The following PRKAG2 variants were observed in gnomAD, a reference collection of about 807,000 sequenced individuals.
PRKAG2 encodes the protein 5'-AMP-activated protein kinase subunit gamma-2.
PRKAG2 carries 26 observed loss-of-function variants against 69.6 expected under a neutral mutation model. The observed-to-expected ratio is 0.37, with a 90% CI of 0.27 to 0.52. The LOEUF is 0.52. Ranked by LOEUF, PRKAG2 falls within the 20% of genes least tolerant of loss-of-function variation. The pLI, the probability that PRKAG2 is intolerant of heterozygous loss-of-function variation, is 0.90. For synonymous variants in PRKAG2, 293 were observed against 285.0 expected (o/e 1.03, Z -0.28); for missense variants, 557 against 740.0 (o/e 0.75, Z 2.87).
At chr7:151,594,591 CT>C (rs1036315442) in intron 6 of PRKAG2, among the ~76,000 whole-genome samples, 4 of 152,104 alleles carry the variant, frequency 2.6e-5, no homozygotes, top group Admixed American at 2.0e-4. Flanking sequence ...TGATTTTCTT[CT>C]TTTTTACCAA....
chr7:151,754,479 C>CG (rs1475231340), intron 3 of PRKAG2, among the ~76,000 whole-genome samples: 3 of 151,204 alleles, frequency 2.0e-5, no homozygotes, highest in Middle Eastern at 3.2e-3. Context: ...GGCCAGTGAG[C>CG]GGGGGGCCCA....
chr7:151,832,248 GA>G lies in PRKAG2; in HGVS notation c.114+44258del, dbSNP rs1460607109. Among the ~76,000 whole-genome samples the G allele has an allele frequency of 1.8e-3, 44 of 23,906 alleles. 1 individual carries two copies. The highest frequency in any genetic ancestry group is 7.8e-3 in the South Asian group (3 of 386). 15.7% of individuals were successfully genotyped at this position (23,906 alleles called of 152,430 possible). On this transcript the variant is annotated intron_variant, in intron 1 of 15. Transcript: ENST00000287878. ...GGAGGGAAGGAGAGGAGGAGGGAAGGAAGGGAGGAGGGAAGGAAGGGAGGAG... is the reference window on the plus strand; with the variant it reads ...GGAGGGAAGGAGAGGAGGAGGGAAGGAGGGAGGAGGGAAGGAAGGGAGGAG...
intron 3 of PRKAG2, among the ~76,000 whole-genome samples, chr7:151,763,958 G>T (rs1016148923): frequency 2.6e-5 from 4 of 152,228 alleles, no homozygotes; most frequent in African/African-American, 4.8e-5. Flanking sequence ...TCCTCCTTGT[G>T]CGTCTCTACA....
At chr7:151,585,969 T>A (rs1442544103) in intron 6 of PRKAG2, among the ~76,000 whole-genome samples, 1 of 152,194 alleles carries the variant, frequency 6.6e-6, no homozygotes, top group Non-Finnish European at 1.5e-5. Flanking sequence ...TAGGACTGCA[T>A]GTAGCTGCTA....
intron 3 of PRKAG2, among the ~76,000 whole-genome samples, chr7:151,741,674 CAAAAA>C (rs33969514): frequency 7.9e-6 from 1 of 126,588 alleles, no homozygotes; most frequent in Non-Finnish European, 1.8e-5. Flanking sequence ...AACTCTGTCT[CAAAAA>C]AAAAAAAAAA....
chr7:151,632,102 C>G lies in PRKAG2; in HGVS notation c.721G>C (p.Gly241Arg), dbSNP rs765544988. The G allele has an allele frequency of 4.2e-6, 6 of 1,415,592 alleles. No homozygotes were observed. The highest frequency in any genetic ancestry group is 5.6e-6 in the Non-Finnish European group (6 of 1,070,916). The allele number at this position is 1,415,592 out of a possible 1,614,324, so 87.7% of individuals were successfully genotyped here. A position where few individuals can be genotyped will look rare whatever the true frequency, so the allele number is the denominator to read the frequency against. Residue 241 changes from glycine to arginine, a missense_variant, in exon 5 of 16, where the codon GGC becomes CGC. By Grantham distance (125) the Gly-to-Arg change is moderately radical (BLOSUM62 -2). Transcript: ENST00000287878. The surrounding 1 kb of genome is among the most constrained non-coding windows in gnomAD (Gnocchi z 4.2). The part of the protein sequence containing the change: ...LAAALGPAEA[G>R]MLEKLEFEDE... ...TCGAACTCCAGCTTCTCCAGCATGC[C>G]GGCTTCCGCGGGTCCCAGGGCCGCC... is the stretch of plus-strand genomic sequence containing the variant.
Position 151,777,534 on chromosome 7 carries a change from G to T in PRKAG2, c.466+3618C>A, listed in dbSNP as rs1373878052. 6.6e-6 allele frequency among the ~76,000 whole-genome samples: 1 copy of T among 152,114 alleles called. No individual in the cohort carries two copies. Among genetic ancestry groups the T allele is most frequent in the Non-Finnish European group, 1.5e-5 (1 of 68,014 alleles). ...CTCCAGTACCTCCCCCCTCTCTCTT[G>T]CTCCCTTGCGTGTGAGCTCTGCATA... is the stretch of plus-strand genomic sequence containing the variant. On this transcript the variant is annotated intron_variant, in intron 3 of 15. Coordinates refer to ENST00000287878, the MANE Select transcript of PRKAG2 (RefSeq NM_016203.4). The surrounding 1 kb of genome is among the most constrained non-coding windows in gnomAD (Gnocchi z 4.3).
chr7:151,660,067 G>A (rs2536055), intron 4 of PRKAG2, among the ~76,000 whole-genome samples: 92,853 of 152,022 alleles, frequency 0.61, 28,588 homozygotes, highest in African/African-American at 0.67. Context: ...TCCAAAAAAA[G>A]TTATTTCCAC....
In PRKAG2 at chr7:151,852,408, T is replaced by G. The variant is rs900523916; in HGVS notation, c.114+24099A>C. Among the ~76,000 whole-genome samples, 5 of 152,124 alleles carry G rather than the reference T, an allele frequency of 3.3e-5. No homozygotes were observed. In the East Asian group the frequency reaches 9.7e-4, roughly 30 times the overall value. On this transcript the variant is annotated intron_variant, in intron 1 of 15. Transcript: ENST00000287878. ...TACTCGGGAGGCTGAGGCAGGAGAA[T>G]TGCTTGAACCCAGGGGGTGGAGGTT...
chr7:151,739,145 C>T (rs951437003), intron 3 of PRKAG2, among the ~76,000 whole-genome samples: 39 of 152,198 alleles, frequency 2.6e-4, no homozygotes, highest in Non-Finnish European at 1.6e-4. Flanking sequence ...GGCATGGCTC[C>T]GGTGTAGCTG....
At chr7:151,697,126 G>T (rs973493871) in intron 3 of PRKAG2, among the ~76,000 whole-genome samples, 1 of 152,208 alleles carries the variant, frequency 6.6e-6, no homozygotes, top group Non-Finnish European at 1.5e-5. Context: ...CCCGGGGAGA[G>T]AGCTGGAGCC....
chr7:151,742,625 CAAAAAA>C (rs562390958), intron 3 of PRKAG2, among the ~76,000 whole-genome samples: 1 of 135,588 alleles, frequency 7.4e-6, no homozygotes, highest in African/African-American at 2.7e-5. Flanking sequence ...TTACATCTCA[CAAAAAA>C]AAAAAAAATA....
At chr7:151,806,944 GAA>G in intron 1 of PRKAG2, 5 of 399,234 alleles carry the variant, frequency 1.3e-5, no homozygotes, top group South Asian at 5.6e-5. Flanking sequence ...CCAGCCTGGG[GAA>G]AAAAAAAAGC....
At chr7:151,687,934 C>T (rs71539897) in intron 3 of PRKAG2, among the ~76,000 whole-genome samples, 1 of 151,878 alleles carries the variant, frequency 6.6e-6, no homozygotes, top group Non-Finnish European at 1.5e-5. Context: ...GGGGCTCCCT[C>T]GGCCAGCTGC....
At chr7:151,596,515 G>C (rs1814565226) in intron 5 of PRKAG2, among the ~76,000 whole-genome samples, 2 of 152,168 alleles carry the variant, frequency 1.3e-5, no homozygotes, top group Non-Finnish European at 2.9e-5. Context: ...TTGGGAGGCT[G>C]AGGCAGGCAG....
chr7:151,713,667 C>T (rs1464282899), intron 3 of PRKAG2, among the ~76,000 whole-genome samples: 6 of 151,556 alleles, frequency 4.0e-5, no homozygotes, highest in African/African-American at 9.7e-5. Context: ...TCACTACAAC[C>T]TCAGGAGGCT....
chr7:151,860,968 G>A (rs761310690), intron 1 of PRKAG2, among the ~76,000 whole-genome samples: 17 of 152,034 alleles, frequency 1.1e-4, no homozygotes, highest in African/African-American at 2.4e-5. Context: ...ATTTCTGCCC[G>A]CCACCTCAAC....
intron 3 of PRKAG2, among the ~76,000 whole-genome samples, chr7:151,758,075 T>G (rs1258796922): frequency 6.6e-6 from 1 of 152,220 alleles, no homozygotes; most frequent in East Asian, 1.9e-4. Context: ...GACACCATGG[T>G]CATCACCTAG....
intron 3 of PRKAG2, among the ~76,000 whole-genome samples, chr7:151,681,104 G>A (rs890683530): frequency 2.6e-5 from 4 of 152,198 alleles, no homozygotes; most frequent in Non-Finnish European, 5.9e-5. Flanking sequence ...TCCTCCCATG[G>A]CCCTGTCCCC....
Sources: allele counts gnomAD v4.1 joint callset (sites outside exome capture counted in the v4.1 genomes callset), GRCh38; gene constraint gnomAD v4.1.1; non-coding constraint Gnocchi (gnomAD v3.1); transcripts MANE v1.5; gene names NCBI Gene and HGNC (gene_info 2026-07-23, HGNC 2026-07-21).